ANKRD29: variants seen among roughly 807,000 people sequenced by gnomAD.
The protein encoded by ANKRD29 is ankyrin repeat domain 29, also known as ankyrin repeat domain-containing protein 29.
In ANKRD29, 32 loss-of-function variants were observed where a neutral mutation model predicts 38.0. That is an observed-to-expected ratio of 0.84 (90% CI 0.64 to 1.13). The LOEUF (loss-of-function observed/expected upper bound fraction) is 1.13. ANKRD29 is among the 50% of genes most tolerant of loss of function. The pLI is 0.00. For synonymous variants in ANKRD29, 135 were observed against 152.4 expected (o/e 0.89, Z 0.84); for missense variants, 357 against 377.9 (o/e 0.94, Z 0.46).
rs750113538 is a variant in ANKRD29 at position 23,612,299 on chromosome 18, A to G, written c.724-109T>C. 118 of 871,010 alleles carry G rather than the reference A, an allele frequency of 1.4e-4. 1 individual carries two copies. The highest frequency in any genetic ancestry group is 7.7e-5 in the Non-Finnish European group (44 of 571,846). 54.0% of individuals were successfully genotyped at this position (871,010 alleles called of 1,614,324 possible). A position where few individuals can be genotyped will look rare whatever the true frequency, so the allele number is the denominator to read the frequency against. On this transcript the variant is annotated intron_variant, in intron 8 of 9. Transcript: ENST00000592179. Reference sequence around the variant, plus strand: ...GATAAGACTGTAACCTCATACCCGTAACCTTCCTTATCTTGCCTTGTACTT... The same window carrying G: ...GATAAGACTGTAACCTCATACCCGTGACCTTCCTTATCTTGCCTTGTACTT...
At chr18:23,627,500 G>A (rs1361580160) in intron 6 of ANKRD29, among the ~76,000 whole-genome samples, 1 of 152,202 alleles carries the variant, frequency 6.6e-6, no homozygotes, top group Non-Finnish European at 1.5e-5. Flanking sequence ...TGTGGCTACT[G>A]CTGCAATGTT....
At chr18:23,654,949 G>A (rs1046516269) in intron 1 of ANKRD29, among the ~76,000 whole-genome samples, 1 of 152,044 alleles carries the variant, frequency 6.6e-6, no homozygotes, top group African/African-American at 2.4e-5. Context: ...GACTTCAATC[G>A]TACACTTATT....
intron 9 of ANKRD29, among the ~76,000 whole-genome samples, chr18:23,603,874 ACT>A (rs2059544111): frequency 6.7e-6 from 1 of 148,208 alleles, no homozygotes; most frequent in African/African-American, 2.5e-5. Flanking sequence ...ACGGAGTCTC[ACT>A]CTGTTGCCCA....
At chr18:23,624,466 C>CAAAAAAAAAAAAAAAAAAAAA (rs56005663) in intron 6 of ANKRD29, among the ~76,000 whole-genome samples, 3 of 32,438 alleles carry the variant, frequency 9.2e-5, no homozygotes, top group South Asian at 1.6e-3. Flanking sequence ...GACTCCATCT[C>CAAAAAAAAAAAAAAAAAAAAA]AAAAAAAAAA....
Position 23,634,075 on chromosome 18 carries a change from T to C in ANKRD29, c.405A>G (p.Gly135=). The change falls in exon 5 of 10, where the codon GGA becomes GGG. Residue 135 remains glycine (G), a synonymous_variant. Transcript: ENST00000592179. ...MQVVETLLKH[G]ANIHDQLYDG... ...CATAAAGTTGGTCATGGATGTTTGC[T>C]CCGTGCTTCAGCAAGGTCTCCACCA... 1.2e-6 allele frequency: 2 copies of C among 1,614,174 alleles called. No individual in the cohort carries two copies. The highest frequency in any genetic ancestry group is 1.7e-6 in the Non-Finnish European group (2 of 1,180,028).
At chr18:23,639,744 C>T (rs530143991) in intron 3 of ANKRD29, among the ~76,000 whole-genome samples, 1 of 152,160 alleles carries the variant, frequency 6.6e-6, no homozygotes, top group South Asian at 2.1e-4. Context: ...CTATGTTGAC[C>T]AGGCTGGTCT....
rs1240265836 is a variant in ANKRD29 at position 23,619,581 on chromosome 18, C to A, written c.577G>T (p.Val193Leu). Residue 193 changes from valine (V) to leucine (L), a missense_variant, in exon 7 of 10, where the codon GTG becomes TTG. By Grantham distance (32) the Val-to-Leu change is conservative (BLOSUM62 1). Transcript: ENST00000592179. The part of the protein sequence containing the change: ...WIASQMGHSE[V>L]VRVMLLRGAD... ...CCGCGCAGCAGCATCACCCGCACCA[C>A]CTCGCTGTGGCCCATCTGGGACGCG... 1 of 1,597,782 alleles carries A rather than the reference C, an allele frequency of 6.3e-7. No individual in the cohort carries two copies. Among genetic ancestry groups the A allele is most frequent in the Non-Finnish European group, 8.5e-7 (1 of 1,179,106 alleles).
intron 8 of ANKRD29, among the ~76,000 whole-genome samples, chr18:23,614,668 CAAAA>C (rs1299529959): frequency 1.9e-5 from 1 of 54,000 alleles, no homozygotes; most frequent in Non-Finnish European, 3.9e-5. Context: ...ACCCTGTCTC[CAAAA>C]AAAAAAAAAA....
chr18:23,625,760 C>A (rs1385620624), intron 6 of ANKRD29, among the ~76,000 whole-genome samples: 1 of 152,178 alleles, frequency 6.6e-6, no homozygotes, highest in Non-Finnish European at 1.5e-5. Context: ...AGTTAATAAG[C>A]AAAATGGGGC....
At chr18:23,617,643 C>T in intron 8 of ANKRD29, 89 bp downstream of exon 8, 2 of 1,033,056 alleles carry the variant, frequency 1.9e-6, no homozygotes, top group Non-Finnish European at 3.0e-6. Flanking sequence ...ACCAGGCTAA[C>T]TGCACCCAAA....
At chr18:23,647,144 C>T (rs563896316) in intron 2 of ANKRD29, 44 of 152,330 alleles carry the variant, frequency 2.9e-4, no homozygotes, top group African/African-American at 9.4e-4. Flanking sequence ...GTGTTATTTT[C>T]ATCTACGGGA....
At chr18:23,641,927 G>A (rs7229424) in intron 3 of ANKRD29, among the ~76,000 whole-genome samples, 2,574 of 152,154 alleles carry the variant, frequency 0.017, 78 homozygotes, top group African/African-American at 0.057. Context: ...TGCGGGAGGA[G>A]CTATCCATTT....
chr18:23,649,321 C>T, intron 1 of ANKRD29, 128 bp from the exon 2 acceptor site: 1 of 760,808 alleles, frequency 1.3e-6, no homozygotes, highest in East Asian at 2.7e-5. Context: ...AAGATTGATC[C>T]TCCAGCAATA....
chr18:23,650,306 C>A (rs72886274), intron 1 of ANKRD29, among the ~76,000 whole-genome samples: 289 of 152,192 alleles, frequency 1.9e-3, no homozygotes, highest in Middle Eastern at 6.8e-3. Context: ...CCACCATGCC[C>A]GGCTAATTAT....
intron 1 of ANKRD29, among the ~76,000 whole-genome samples, chr18:23,661,473 A>C (rs2060360267): frequency 6.6e-6 from 1 of 152,222 alleles, no homozygotes; most frequent in Admixed American, 6.5e-5. Flanking sequence ...TGGGAGGCCA[A>C]GGAGGGTGGA....
Position 23,629,857 on chromosome 18 carries a change from C to T in ANKRD29, c.524G>A (p.Arg175Lys), listed in dbSNP as rs931836267. ...AATGTCAACAGTGGACATTACCTGC[C>T]TTGGCTGGTTGACTTTTGCTCCTGA... ...LASGAKVNQP[R>K]QDGTAPLWIA... Residue 175 changes from arginine (R) to lysine (K), a missense_variant, in exon 6 of 10, where the codon AGG (arginine) becomes AAG (lysine). Arg to Lys is a conservative substitution (Grantham distance 26, BLOSUM62 2). Coordinates refer to ENST00000592179, the MANE Select transcript of ANKRD29 (RefSeq NM_173505.4). The T allele has an allele frequency of 6.2e-7, 1 of 1,613,708 alleles. No homozygotes were observed. Among genetic ancestry groups the T allele is most frequent in the African/African-American group, 1.3e-5 (1 of 74,918 alleles).
chr18:23,648,563 T>A (rs1405715262), intron 2 of ANKRD29: 1 of 213,034 alleles, frequency 4.7e-6, no homozygotes, highest in Non-Finnish European at 9.2e-6. Context: ...GCTCTCTAAG[T>A]GGTATCTGCC....
At position 23,600,763 on chromosome 18, in the gene ANKRD29, T is replaced by C. The variant is rs2059501376; in HGVS notation, c.*463A>G. 1 of 154,144 alleles carries C rather than the reference T, an allele frequency of 6.5e-6. No individual in the cohort carries two copies. Among genetic ancestry groups the C allele is most frequent in the African/African-American group, 2.4e-5 (1 of 41,462 alleles). The allele number at this position is 154,144 out of a possible 1,614,324, so 9.5% of individuals were successfully genotyped here. ...TACTGGAATGACATACATATGTAGG[T>C]AAAATATGATAGATCTATATATTTT... On this transcript the variant is annotated 3_prime_UTR_variant, in exon 10 of 10. Coordinates refer to ENST00000592179, the MANE Select transcript of ANKRD29 (RefSeq NM_173505.4).
chr18:23,633,902 TG>T, intron 5 of ANKRD29, 148 bp downstream of exon 5: 1 of 736,606 alleles, frequency 1.4e-6, no homozygotes, highest in Non-Finnish European at 2.3e-6. Context: ...AAAGCCCATC[TG>T]GTCCGCTATA....
Sources: allele counts gnomAD v4.1 joint callset (sites outside exome capture counted in the v4.1 genomes callset), GRCh38; gene constraint gnomAD v4.1.1; transcripts MANE v1.5; gene names NCBI Gene and HGNC (gene_info 2026-07-23, HGNC 2026-07-21).